RHBDD1: variants seen among roughly 807,000 people sequenced by gnomAD.
The protein encoded by RHBDD1 is rhomboid domain containing 1.
A neutral mutation model predicts 36.3 loss-of-function variants in RHBDD1; 38 were observed. That is an observed-to-expected ratio of 1.05 (90% CI 0.81 to 1.37). RHBDD1 has a LOEUF of 1.37. Ranked by LOEUF, RHBDD1 falls within the 40% of genes most tolerant of loss-of-function variation. The probability of loss-of-function intolerance (pLI) is 0.00; values close to 1 mark genes in which losing one functional copy is unlikely to be tolerated. For synonymous variants in RHBDD1, 151 were observed against 136.5 expected, an observed-to-expected ratio of 1.11 and a Z score of -0.74; for missense variants, 393 against 377.6, an observed-to-expected ratio of 1.04 and a Z score of -0.34.
At chr2:226,962,214 G>GA (rs1396738500) in intron 8 of RHBDD1, among the ~76,000 whole-genome samples, 1 of 152,250 alleles carries the variant, frequency 6.6e-6, no homozygotes, top group East Asian at 1.9e-4. Context: ...AAGCAAGAAA[G>GA]AAAAAATAGC....
the RHBDD1 span, among the ~76,000 whole-genome samples, chr2:226,823,984 C>T: frequency 2.2e-4 from 33 of 152,288 alleles, no homozygotes; most frequent in African/African-American, 5.8e-4. Context: ...CACCTCCCAA[C>T]GCTGTTGCAT....
At chr2:226,860,372 TC>T (rs1334392303) in intron 3 of RHBDD1, among the ~76,000 whole-genome samples, 4 of 152,222 alleles carry the variant, frequency 2.6e-5, no homozygotes, top group Admixed American at 6.5e-5. Flanking sequence ...GGTTTTCAGT[TC>T]ACAGATAAGT....
chr2:226,844,419 C>A (rs942441820), intron 3 of RHBDD1, among the ~76,000 whole-genome samples: 1 of 152,156 alleles, frequency 6.6e-6, no homozygotes, highest in African/African-American at 2.4e-5. Context: ...TTGTGGACAT[C>A]CCATGTGGTT....
At chr2:226,952,200 A>G (rs554058785) in intron 8 of RHBDD1, among the ~76,000 whole-genome samples, 6 of 152,238 alleles carry the variant, frequency 3.9e-5, no homozygotes, top group Admixed American at 3.3e-4. Context: ...CTGAGAATCA[A>G]AGTGAGAGGC....
At chr2:226,945,406 G>C (rs1950920082) in intron 8 of RHBDD1, among the ~76,000 whole-genome samples, 1 of 151,984 alleles carries the variant, frequency 6.6e-6, no homozygotes, top group Admixed American at 6.6e-5. Context: ...GAGAACATAT[G>C]GTGTTTGGTT....
At chr2:226,839,752 C>T (rs553016197) in intron 3 of RHBDD1, 125 bp downstream of exon 3, 2 of 151,832 alleles carry the variant, frequency 1.3e-5, no homozygotes, top group South Asian at 2.1e-4. Flanking sequence ...CCACCTGACC[C>T]GTATTTTACA....
At chr2:226,844,922 CATT>C (rs1436519392) in intron 3 of RHBDD1, among the ~76,000 whole-genome samples, 21 of 152,072 alleles carry the variant, frequency 1.4e-4, no homozygotes, top group Admixed American at 3.9e-4. Context: ...ATTTTTTAGC[CATT>C]ATTTTTTATG....
At chr2:226,816,375 C>CAAAAAAAAAA in the RHBDD1 span, among the ~76,000 whole-genome samples, 4 of 64,938 alleles carry the variant, frequency 6.2e-5, no homozygotes, top group South Asian at 5.9e-4. Flanking sequence ...GGAATGGTGG[C>CAAAAAAAAAA]AAAAAAAAAA....
In RHBDD1 at chr2:226,867,105, C is replaced by G. The variant is rs551232809; in HGVS notation, c.434-81C>G. 56 of 1,351,472 alleles carry G rather than the reference C, an allele frequency of 4.1e-5. No individual in the cohort carries two copies. In the African/African-American group the frequency reaches 6.1e-4, roughly 15 times the overall value. The allele number at this position is 1,351,472 out of a possible 1,614,324, so 83.7% of individuals were successfully genotyped here. A position where few individuals can be genotyped will look rare whatever the true frequency, so the allele number is the denominator to read the frequency against. ...GGATGTAATCGAATAATCATTTTCA[C>G]TTTTAATTAACTTTCTTTGTAAATG... On this transcript the variant is annotated intron_variant, in intron 4 of 8. Transcript: ENST00000392062.
At chr2:226,916,339 C>A (rs933009685) in intron 8 of RHBDD1, among the ~76,000 whole-genome samples, 2 of 152,122 alleles carry the variant, frequency 1.3e-5, no homozygotes, top group Non-Finnish European at 2.9e-5. Context: ...CACAGTCATT[C>A]AAAAGCATGC....
chr2:226,907,506 T>G (rs1048196303), intron 6 of RHBDD1, among the ~76,000 whole-genome samples: 6 of 152,260 alleles, frequency 3.9e-5, no homozygotes, highest in Admixed American at 2.6e-4. Context: ...CATTTTGACT[T>G]GTAAGAAAAC....
intron 7 of RHBDD1, among the ~76,000 whole-genome samples, chr2:226,911,796 G>A (rs1263853720): frequency 1.3e-5 from 2 of 151,904 alleles, no homozygotes; most frequent in East Asian, 3.8e-4. Context: ...TCCTTCTCCT[G>A]TTCTAAATAT....
intron 5 of RHBDD1, chr2:226,869,074 A>T: frequency 5.3e-6 from 3 of 567,534 alleles, no homozygotes; most frequent in Non-Finnish European, 6.7e-6. Context: ...GAATCCATTG[A>T]ATAACAGTGC....
At chr2:226,854,931 G>C (rs1026245727) in intron 3 of RHBDD1, among the ~76,000 whole-genome samples, 1 of 152,128 alleles carries the variant, frequency 6.6e-6, no homozygotes, top group Admixed American at 6.5e-5. Flanking sequence ...CCTGATTTCT[G>C]TTGAGATCTT....
At chr2:226,892,535 A>C (rs976193261) in intron 5 of RHBDD1, among the ~76,000 whole-genome samples, 1 of 152,212 alleles carries the variant, frequency 6.6e-6, no homozygotes, top group Admixed American at 6.5e-5. Context: ...GAACTTGTGA[A>C]TCTTTTGAAA....
intron 5 of RHBDD1, among the ~76,000 whole-genome samples, chr2:226,900,693 G>T (rs1947513674): frequency 1.3e-5 from 2 of 152,136 alleles, no homozygotes; most frequent in African/African-American, 4.8e-5. Context: ...GTATTAACTG[G>T]TGACCATGTG....
At chr2:226,842,347 A>G (rs112136167) in intron 3 of RHBDD1, among the ~76,000 whole-genome samples, 1 of 152,166 alleles carries the variant, frequency 6.6e-6, no homozygotes, top group African/African-American at 2.4e-5. Flanking sequence ...TGGTGTTTTC[A>G]TCATGAAATC....
chr2:226,918,568 G>A (rs557966055), intron 8 of RHBDD1, among the ~76,000 whole-genome samples: 1 of 152,056 alleles, frequency 6.6e-6, no homozygotes, highest in Admixed American at 6.6e-5. Flanking sequence ...TGCAAAATTT[G>A]TCTTTCTGTG....
rs566974378 is a variant in RHBDD1, at chr2:226,943,435, G to T, written c.856+29084G>T. Among the ~76,000 whole-genome samples, 5 of 152,260 alleles carry T rather than the reference G, an allele frequency of 3.3e-5. No individual in the cohort carries two copies. In the South Asian group the frequency reaches 1.0e-3, roughly 32 times the overall value. On this transcript the variant is annotated intron_variant, in intron 8 of 8. Transcript: ENST00000392062. Reference sequence around the variant, plus strand: ...TCGGGATTCTTTACAGATCAAACCAGAACAATCCAAAGCCCAGTAGTTTTT... The same window carrying T: ...TCGGGATTCTTTACAGATCAAACCATAACAATCCAAAGCCCAGTAGTTTTT...
Sources: allele counts gnomAD v4.1 joint callset (sites outside exome capture counted in the v4.1 genomes callset), GRCh38; gene constraint gnomAD v4.1.1; transcripts MANE v1.5; gene names NCBI Gene and HGNC (gene_info 2026-07-23, HGNC 2026-07-21).